The following TUFT1 variants were observed in gnomAD, a reference collection of about 807,000 sequenced individuals.
The protein encoded by TUFT1 is tuftelin 1, also known as tuftelin.
TUFT1 carries 43 observed loss-of-function variants against 57.8 expected under a neutral mutation model. The ratio of observed to expected loss-of-function variants is 0.74; its 90% confidence interval spans 0.58 to 0.96. The LOEUF (loss-of-function observed/expected upper bound fraction) is 0.96. TUFT1 is among the 40% of genes least tolerant of loss of function. TUFT1 has a pLI of 0.00. For synonymous variants in TUFT1, 166 were observed against 176.7 expected (o/e 0.94, Z 0.48); for missense variants, 459 against 489.0 (o/e 0.94, Z 0.58).
At chr1:151,561,848 A>C (rs1665907641) in intron 1 of TUFT1, 1 of 1,477,368 alleles carries the variant, frequency 6.8e-7, no homozygotes, top group African/African-American at 1.4e-5. Context: ...CTACAGAGCC[A>C]TGTGCCAGGT....
intron 7 of TUFT1, 113 bp downstream of exon 7, chr1:151,569,883 G>A: frequency 1.2e-6 from 1 of 856,508 alleles, no homozygotes; most frequent in Non-Finnish European, 1.9e-6. Context: ...CCACAAACTG[G>A]AAAGGCAAGG....
At chr1:151,549,753 C>T (rs1168384160) in intron 1 of TUFT1, among the ~76,000 whole-genome samples, 2 of 152,200 alleles carry the variant, frequency 1.3e-5, no homozygotes, top group African/African-American at 4.8e-5. Context: ...AACAGAGTCT[C>T]GCTCTGTCAC....
intron 1 of TUFT1, chr1:151,541,004 T>C (rs988518315): frequency 6.6e-6 from 1 of 152,490 alleles, no homozygotes; most frequent in African/African-American, 2.4e-5. Context: ...GACTCTACCT[T>C]TCGCTAAGGG....
intron 1 of TUFT1, among the ~76,000 whole-genome samples, chr1:151,547,698 G>T (rs985049571): frequency 6.6e-6 from 1 of 152,186 alleles, no homozygotes; most frequent in African/African-American, 2.4e-5. Context: ...TGCAGAGGGG[G>T]CACTGAGGAA....
chr1:151,572,221 A>T (rs919695502), intron 7 of TUFT1, among the ~76,000 whole-genome samples: 2 of 122,180 alleles, frequency 1.6e-5, no homozygotes, highest in Non-Finnish European at 3.8e-5. Context: ...AATATGGTAC[A>T]TAAATAATTT....
intron 6 of TUFT1, among the ~76,000 whole-genome samples, chr1:151,567,878 A>G (rs964744492): frequency 8.5e-5 from 13 of 152,186 alleles, no homozygotes; most frequent in Admixed American, 6.5e-5. Flanking sequence ...GTGTGTTATT[A>G]TGTTTTTTTG....
chr1:151,549,455 A>G (rs1665443432), intron 1 of TUFT1, among the ~76,000 whole-genome samples: 1 of 152,204 alleles, frequency 6.6e-6, no homozygotes, highest in Admixed American at 6.5e-5. Context: ...CAGCTCCATT[A>G]GACAATTTAC....
intron 3 of TUFT1, among the ~76,000 whole-genome samples, chr1:151,563,232 C>T (rs1184245815): frequency 1.3e-5 from 2 of 151,972 alleles, no homozygotes; most frequent in African/African-American, 4.8e-5. Context: ...TTATTTCTCT[C>T]TCTCTTTTTT....
chr1:151,569,582 C>A, intron 6 of TUFT1, 75 bp from the exon 7 acceptor site: 1 of 1,216,222 alleles, frequency 8.2e-7, no homozygotes, highest in Non-Finnish European at 1.2e-6. Flanking sequence ...CCAGTGTGTG[C>A]CTGGGAGGGG....
chr1:151,574,253 C>G lies in TUFT1; in HGVS notation c.595-17C>G, dbSNP rs374065345. ...TTTTTTCCACACCATTTAACATATT[C>G]CTGCTCCGTGTTTTAGGTCACACTC... On this transcript the variant is annotated splice_polypyrimidine_tract_variant and intron_variant, in intron 7 of 12. Transcript: ENST00000368849. 3 of 1,611,062 alleles carry G rather than the reference C, an allele frequency of 1.9e-6. No homozygotes were observed. The highest frequency in any genetic ancestry group is 2.5e-6 in the Non-Finnish European group (3 of 1,179,006).
At chr1:151,572,805 C>G (rs1438833377) in intron 7 of TUFT1, among the ~76,000 whole-genome samples, 4 of 152,210 alleles carry the variant, frequency 2.6e-5, no homozygotes, top group Admixed American at 2.6e-4. Context: ...CACGTCCCAT[C>G]ACACATCACC....
chr1:151,547,581 C>T lies in TUFT1; in HGVS notation c.60+7155C>T, dbSNP rs534792292. On this transcript the variant is annotated intron_variant, in intron 1 of 12. Transcript: ENST00000368849. ...AATATAGGGTAAGAAGGGGATGAGT[C>T]GATGAAGGAAGAAAAGAGACGTGGT... Among the ~76,000 whole-genome samples the T allele has an allele frequency of 3.3e-5, 5 of 152,092 alleles. No individual in the cohort carries two copies. The East Asian group carries it at 5.8e-4, about 18-fold the overall frequency.
chr1:151,545,258 C>T (rs1665296850), intron 1 of TUFT1, among the ~76,000 whole-genome samples: 1 of 151,898 alleles, frequency 6.6e-6, no homozygotes, highest in African/African-American at 2.4e-5. Context: ...TGCAGTGAGC[C>T]GAGATCACGC....
At chr1:151,541,667 C>A (rs1438474816) in intron 1 of TUFT1, among the ~76,000 whole-genome samples, 1 of 152,176 alleles carries the variant, frequency 6.6e-6, no homozygotes, top group African/African-American at 2.4e-5. Flanking sequence ...AGTCCCCTCT[C>A]CATTTCTGCC....
chr1:151,575,431 A>T (rs1356241213), intron 9 of TUFT1, among the ~76,000 whole-genome samples: 1 of 152,180 alleles, frequency 6.6e-6, no homozygotes, highest in Non-Finnish European at 1.5e-5. Context: ...AAATGGAATG[A>T]GCAGCTTCAT....
chr1:151,565,002 G>A (rs1666018762), intron 5 of TUFT1: 1 of 164,638 alleles, frequency 6.1e-6, no homozygotes. Flanking sequence ...AGCTGATCTT[G>A]CTTAGTTTGG....
chr1:151,549,345 C>T (rs1665440949), intron 1 of TUFT1, among the ~76,000 whole-genome samples: 1 of 152,160 alleles, frequency 6.6e-6, no homozygotes, highest in Admixed American at 6.5e-5. Flanking sequence ...CTCCTTGACT[C>T]TGGGTTGGGG....
At chr1:151,557,509 G>C in intron 1 of TUFT1, 3 of 1,400,932 alleles carry the variant, frequency 2.1e-6, no homozygotes, top group Non-Finnish European at 2.0e-6. Context: ...AGTCATGGTG[G>C]CCAAGAAGGA....
Position 151,564,584 on chromosome 1 carries a change from A to T in TUFT1, c.384A>T (p.Leu128=), listed in dbSNP as rs1271721767. ...TAAGTAGCAAGCTTGACAGGAACCT[A>T]GGAGATTCTCTCCATCGACAGGAGA... is the stretch of plus-strand genomic sequence containing the variant. ...EDISSKLDRN[L]GDSLHRQEIQ... Residue 128 remains leucine, a synonymous_variant, in exon 5 of 13, where the codon CTA becomes CTT. Transcript: ENST00000368849. The T allele has an allele frequency of 6.2e-7, 1 of 1,613,958 alleles. No homozygotes were observed.
Sources: allele counts gnomAD v4.1 joint callset (sites outside exome capture counted in the v4.1 genomes callset), GRCh38; gene constraint gnomAD v4.1.1; transcripts MANE v1.5; gene names NCBI Gene and HGNC (gene_info 2026-07-23, HGNC 2026-07-21).